PIGL: variants seen among roughly 807,000 people sequenced by gnomAD.
PIGL encodes the protein phosphatidylinositol glycan anchor biosynthesis class L, also known as N-acetylglucosaminyl-phosphatidylinositol de-N-acetylase.
In PIGL, 22 loss-of-function variants were observed where a neutral mutation model predicts 31.1. The observed-to-expected ratio is 0.71, with a 90% CI of 0.51 to 1.01. The LOEUF (loss-of-function observed/expected upper bound fraction) is 1.01, where lower values mean the gene tolerates loss of function less well. PIGL is among the 50% of genes least tolerant of loss of function. The probability of loss-of-function intolerance (pLI) is 0.00; values close to 1 mark genes in which losing one functional copy is unlikely to be tolerated. For synonymous variants in PIGL, 131 were observed against 117.4 expected (o/e 1.12, Z -0.75); for missense variants, 302 against 315.9 (o/e 0.96, Z 0.33).
At chr17:16,233,109 T>TG (rs1568782634) in intron 1 of PIGL, among the ~76,000 whole-genome samples, 1 of 144,372 alleles carries the variant, frequency 6.9e-6, no homozygotes, top group African/African-American at 2.6e-5. Context: ...GCAAGACTCT[T>TG]AAAAAAAAAA....
chr17:16,278,118 T>A (rs1306725163), intron 2 of PIGL, among the ~76,000 whole-genome samples: 1 of 151,952 alleles, frequency 6.6e-6, no homozygotes, highest in East Asian at 1.9e-4. Flanking sequence ...TGCAGTGACG[T>A]GATCCCAGCT....
chr17:16,224,043 T>C (rs2092640890), intron 1 of PIGL, among the ~76,000 whole-genome samples: 3 of 151,940 alleles, frequency 2.0e-5, no homozygotes, highest in Non-Finnish European at 4.4e-5. Flanking sequence ...GGTGAAACCC[T>C]GTCTCTACTA....
At chr17:16,298,867 A>C (rs2092993120) in intron 2 of PIGL, among the ~76,000 whole-genome samples, 1 of 151,920 alleles carries the variant, frequency 6.6e-6, no homozygotes, top group Admixed American at 6.6e-5. Context: ...GTCTCTACTA[A>C]AAATACAAAA....
At chr17:16,237,190 G>T in intron 2 of PIGL, among the ~76,000 whole-genome samples, 1 of 139,266 alleles carries the variant, frequency 7.2e-6, no homozygotes, top group East Asian at 2.2e-4. Context: ...TCACTGCAAC[G>T]TCCGCCACCT....
chr17:16,251,180 C>CT (rs2092769606), intron 2 of PIGL, among the ~76,000 whole-genome samples: 1 of 152,116 alleles, frequency 6.6e-6, no homozygotes, highest in African/African-American at 2.4e-5. Flanking sequence ...AATCCTAGCA[C>CT]TTTGGGAGGC....
chr17:16,252,692 C>T (rs2092777781), intron 2 of PIGL, among the ~76,000 whole-genome samples: 1 of 151,996 alleles, frequency 6.6e-6, no homozygotes, highest in Non-Finnish European at 1.5e-5. Context: ...CAAGTGAATG[C>T]TAGATTACAA....
At chr17:16,222,933 A>G (rs1035006186) in intron 1 of PIGL, among the ~76,000 whole-genome samples, 1 of 152,064 alleles carries the variant, frequency 6.6e-6, no homozygotes, top group African/African-American at 2.4e-5. Flanking sequence ...AATCGCTTGA[A>G]CCCAGTAGGT....
intron 1 of PIGL, among the ~76,000 whole-genome samples, chr17:16,220,938 G>T (rs2092625986): frequency 1.3e-5 from 2 of 152,070 alleles, no homozygotes; most frequent in Non-Finnish European, 2.9e-5. Context: ...TGGCCTGTTT[G>T]TTTATTTTAT....
rs924415403 is a variant in PIGL at position 16,269,008 on chromosome 17, C to T, written c.336-30880C>T. Among the ~76,000 whole-genome samples the T allele has an allele frequency of 7.2e-5, 11 of 152,166 alleles. No homozygotes were observed. In the East Asian group the frequency reaches 9.6e-4, roughly 13 times the overall value. On this transcript the variant is annotated intron_variant, in intron 2 of 6. Transcript: ENST00000225609. ...TGATCTCCTGACCTAATGATCTGCC[C>T]GCCTCAGCCTCCCAAAGTGCTGGGA...
intron 4 of PIGL, 95 bp downstream of exon 4, chr17:16,313,709 G>A: frequency 9.8e-7 from 1 of 1,022,398 alleles, no homozygotes; most frequent in Non-Finnish European, 1.5e-6. Flanking sequence ...CTTGTTATCT[G>A]AGCCCATGAA....
intron 2 of PIGL, among the ~76,000 whole-genome samples, chr17:16,294,013 CA>C (rs1043473121): frequency 3.9e-5 from 6 of 152,184 alleles, no homozygotes; most frequent in Non-Finnish European, 7.3e-5. Flanking sequence ...TACCTGATAG[CA>C]GTGTCTTTGC....
intron 3 of PIGL, among the ~76,000 whole-genome samples, chr17:16,308,256 C>A (rs576618694): frequency 6.6e-6 from 1 of 151,728 alleles, no homozygotes; most frequent in Non-Finnish European, 1.5e-5. Context: ...TGCTTGAACC[C>A]GGGAGGAGGA....
intron 2 of PIGL, among the ~76,000 whole-genome samples, chr17:16,247,192 CTATCTCAAAATAGTTACAATTAG>C (rs1459528901): frequency 1.3e-5 from 2 of 152,136 alleles, no homozygotes; most frequent in Admixed American, 6.6e-5. Flanking sequence ...TCCTAAAACC[CTATCTCAAAATAGTTACAATTAG>C]TGGTTAGGGC....
chr17:16,325,878 A>G lies in PIGL; in HGVS notation c.739A>G (p.Asn247Asp), dbSNP rs1359374328. Residue 247 changes from asparagine to aspartate, a missense_variant, in exon 7 of 7, where the codon AAC (asparagine) becomes GAC (aspartate). By Grantham distance (23) the Asn-to-Asp change is conservative. Transcript: ENST00000225609. ...YIIFSRYMRINSLSFL is the reference protein window; with the variant it reads ...YIIFSRYMRIDSLSFL ...TATCTTCTCCCGGTACATGAGAATCAACTCACTGAGCTTCCTCTGAAGCCT... is the reference window on the plus strand; with the variant it reads ...TATCTTCTCCCGGTACATGAGAATCGACTCACTGAGCTTCCTCTGAAGCCT... 3 of 1,613,302 alleles carry G rather than the reference A, an allele frequency of 1.9e-6. No homozygotes were observed. The highest frequency in any genetic ancestry group is 1.7e-6 in the Non-Finnish European group (2 of 1,179,402).
At chr17:16,246,969 G>A (rs932810917) in intron 2 of PIGL, among the ~76,000 whole-genome samples, 5 of 151,912 alleles carry the variant, frequency 3.3e-5, no homozygotes, top group South Asian at 2.1e-4. Flanking sequence ...GATTACAGGC[G>A]TGAGCCACCG....
intron 3 of PIGL, among the ~76,000 whole-genome samples, chr17:16,304,135 C>T (rs2093016911): frequency 6.6e-6 from 1 of 152,208 alleles, no homozygotes; most frequent in South Asian, 2.1e-4. Flanking sequence ...ATCATGCTAA[C>T]ACCGTGGCTA....
chr17:16,269,722 T>C (rs1242208312), intron 2 of PIGL, among the ~76,000 whole-genome samples: 2 of 151,262 alleles, frequency 1.3e-5, no homozygotes, highest in Non-Finnish European at 2.9e-5. Context: ...CACTGTACTC[T>C]GCATGAATCT....
intron 2 of PIGL, among the ~76,000 whole-genome samples, chr17:16,270,903 A>G (rs2092869149): frequency 6.8e-6 from 1 of 146,738 alleles, no homozygotes; most frequent in Non-Finnish European, 1.5e-5. Context: ...AAAAAAAAAA[A>G]GAGAAAAGGA....
chr17:16,240,832 G>A (rs1382823443), intron 2 of PIGL, among the ~76,000 whole-genome samples: 2 of 151,416 alleles, frequency 1.3e-5, no homozygotes, highest in Non-Finnish European at 2.9e-5. Flanking sequence ...AAATAGGCCG[G>A]GCATGGTGGC....
Sources: gnomAD v4.1 joint callset for allele counts (sites outside exome capture counted in the v4.1 genomes callset) on GRCh38, gnomAD v4.1.1 for gene constraint, MANE v1.5 for transcripts, NCBI Gene and HGNC (gene_info 2026-07-23, HGNC 2026-07-21) for gene names.